The following NBPF3 variants were observed in gnomAD, a reference collection of about 807,000 sequenced individuals.
NBPF3 encodes the protein NBPF family member NBPF3.
In NBPF3, 57 loss-of-function variants were observed where a neutral mutation model predicts 78.1. That is an observed-to-expected ratio of 0.73 (90% CI 0.59 to 0.91). The LOEUF is 0.91. Ranked by LOEUF, NBPF3 falls within the 40% of genes least tolerant of loss-of-function variation. NBPF3 has a pLI of 0.00. For missense variants in NBPF3, 510 were observed against 715.3 expected (o/e 0.71, Z 3.27); for synonymous variants, 182 against 271.7 (o/e 0.67, Z 3.25).
In NBPF3 at chr1:21,463,226, G is replaced by A. The variant is rs533850621; in HGVS notation, c.134-5462G>A. Among the ~76,000 whole-genome samples, 116 of 152,274 alleles carry A rather than the reference G, an allele frequency of 7.6e-4. 1 individual carries two copies. Among genetic ancestry groups the A allele is most frequent in the African/African-American group, 2.6e-3 (109 of 41,536 alleles). ...TTGCTCCAGCCTTAGAACAGCATGGGCTGGCAAGCGTTCTCAGAGAGGTCT... is the reference window on the plus strand; with the variant it reads ...TTGCTCCAGCCTTAGAACAGCATGGACTGGCAAGCGTTCTCAGAGAGGTCT... On this transcript the variant is annotated intron_variant, in intron 2 of 14. Coordinates refer to ENST00000318249, the MANE Select transcript of NBPF3 (RefSeq NM_032264.6).
intron 2 of NBPF3, among the ~76,000 whole-genome samples, chr1:21,454,670 T>C (rs3894726): frequency 4.6e-5 from 7 of 152,206 alleles, no homozygotes; most frequent in Admixed American, 2.6e-4. Context: ...AGATGAGGAA[T>C]GGTAGACCCA....
chr1:21,480,438 T>TTCCTA (rs1378035060), intron 11 of NBPF3, among the ~76,000 whole-genome samples: 2 of 116,424 alleles, frequency 1.7e-5, no homozygotes, highest in African/African-American at 5.1e-5. Flanking sequence ...TCTCCAGCCA[T>TTCCTA]GCCTGTGGCA....
chr1:21,478,424 C>T (rs1643001361), intron 9 of NBPF3, 117 bp downstream of exon 9: 2 of 1,146,134 alleles, frequency 1.7e-6, no homozygotes, highest in Non-Finnish European at 2.6e-6. Context: ...TGGGTGGAAC[C>T]TATATATCAA....
Position 21,473,478 on chromosome 1 carries a change from A to G in NBPF3, c.833A>G (p.Gln278Arg). ...SNSHHPCESN[Q>R]PYGNTRITFE... ...AGCCACCACCCTTGTGAGTCCAACC[A>G]GCCTTACGGGAACACCAGAATCACA... The change falls in exon 7 of 15, where the codon CAG becomes CGG. Residue 278 changes from glutamine (Q) to arginine (R), a missense_variant. By Grantham distance (43) the Gln-to-Arg change is conservative. This residue lies in a region of NBPF3 where 440 missense variants were observed against 478.2 expected (regional missense o/e 0.92). Coordinates refer to ENST00000318249, the MANE Select transcript of NBPF3 (RefSeq NM_032264.6). The G allele has an allele frequency of 6.2e-7, 1 of 1,614,212 alleles. No individual in the cohort carries two copies. The highest frequency in any genetic ancestry group is 8.5e-7 in the Non-Finnish European group (1 of 1,180,050).
intron 2 of NBPF3, among the ~76,000 whole-genome samples, chr1:21,455,078 C>G (rs1202862071): frequency 6.6e-6 from 1 of 152,178 alleles, no homozygotes; most frequent in Non-Finnish European, 1.5e-5. Flanking sequence ...CTAGAGGCCT[C>G]CCATGTTCCC....
At chr1:21,441,147 C>T (rs1426882065) in intron 1 of NBPF3, among the ~76,000 whole-genome samples, 1 of 152,154 alleles carries the variant, frequency 6.6e-6, no homozygotes, top group Non-Finnish European at 1.5e-5. Flanking sequence ...CTTTGGGTTA[C>T]GGTGTTGTTC....
At chr1:21,457,386 A>ATATATGTATG (rs1202957724) in intron 2 of NBPF3, among the ~76,000 whole-genome samples, 269 of 150,478 alleles carry the variant, frequency 1.8e-3, no homozygotes, top group Middle Eastern at 7.1e-3. Context: ...ATGTATGTAT[A>ATATATGTATG]TATATGTATG....
intron 1 of NBPF3, among the ~76,000 whole-genome samples, chr1:21,444,345 A>G (rs1244189745): frequency 6.6e-6 from 1 of 152,236 alleles, no homozygotes. Context: ...AGTATAACCT[A>G]GCGAAAGCTC....
At chr1:21,475,039 C>T (rs1642820274) in intron 8 of NBPF3, 88 bp downstream of exon 8, 2 of 1,135,692 alleles carry the variant, frequency 1.8e-6, no homozygotes, top group East Asian at 2.6e-5. Context: ...ATGAATAGAA[C>T]TTTTTATTCC....
chr1:21,440,584 G>A (rs142051367), intron 1 of NBPF3, among the ~76,000 whole-genome samples: 2,778 of 152,296 alleles, frequency 0.018, 70 homozygotes, highest in Admixed American at 0.047. Context: ...TCGCTGGCGG[G>A]TGTTCTGTGG....
intron 2 of NBPF3, chr1:21,467,269 C>G: frequency 1.0e-6 from 1 of 985,372 alleles, no homozygotes; most frequent in Non-Finnish European, 1.2e-6. Flanking sequence ...CACATGAATG[C>G]TGGGCAGCCC....
rs148905415 is a variant in NBPF3 at position 21,479,824 on chromosome 1, G to C, written c.1209-227G>C. On this transcript the variant is annotated intron_variant, in intron 10 of 14. Coordinates refer to ENST00000318249, the MANE Select transcript of NBPF3 (RefSeq NM_032264.6). ...TCTCTCTCTCTCTCTCTCTCTCTGT[G>C]TGTGTGTGTGTGTGTGTGTGTGTGT... is the stretch of plus-strand genomic sequence containing the variant. 2.3e-3 allele frequency among the ~76,000 whole-genome samples: 273 copies of C among 119,562 alleles called. No individual in the cohort carries two copies. Among genetic ancestry groups the C allele is most frequent in the African/African-American group, 6.7e-3 (241 of 35,774 alleles). The allele number at this position is 119,562 out of a possible 152,430, so 78.4% of individuals were successfully genotyped here.
chr1:21,440,659 A>T (rs1421370531), intron 1 of NBPF3: 1 of 152,246 alleles, frequency 6.6e-6, no homozygotes, highest in Non-Finnish European at 1.5e-5. Flanking sequence ...TGTAGAGGAC[A>T]CTGACTCCGC....
intron 1 of NBPF3, among the ~76,000 whole-genome samples, chr1:21,441,863 T>C (rs936200096): frequency 6.6e-6 from 1 of 152,148 alleles, no homozygotes; most frequent in African/African-American, 2.4e-5. Context: ...TTGTTGAACA[T>C]TTTCCCAAAG....
At chr1:21,469,422 C>T (rs747627753) in intron 3 of NBPF3, among the ~76,000 whole-genome samples, 1 of 152,100 alleles carries the variant, frequency 6.6e-6, no homozygotes, top group Non-Finnish European at 1.5e-5. Flanking sequence ...CTGTAAGTGA[C>T]AGCATCAAGA....
At chr1:21,449,969 G>A (rs2147915641) in intron 2 of NBPF3, 1 of 226,302 alleles carries the variant, frequency 4.4e-6, no homozygotes, top group East Asian at 1.8e-4. Context: ...TCTCTGAGAG[G>A]AATTAGCATC....
At chr1:21,442,849 A>G (rs1640738972) in intron 1 of NBPF3, among the ~76,000 whole-genome samples, 1 of 152,000 alleles carries the variant, frequency 6.6e-6, no homozygotes, top group Non-Finnish European at 1.5e-5. Flanking sequence ...TTTTGTAGAG[A>G]TGGGGTTGCA....
intron 2 of NBPF3, among the ~76,000 whole-genome samples, chr1:21,447,873 G>A (rs529597121): frequency 6.6e-4 from 100 of 152,154 alleles, no homozygotes; most frequent in African/African-American, 2.4e-3. Context: ...TCTCATTGTT[G>A]TTTTAATATG....
intron 2 of NBPF3, chr1:21,449,880 C>T (rs1641205576): frequency 3.0e-6 from 2 of 668,966 alleles, no homozygotes; most frequent in East Asian, 1.4e-4. Flanking sequence ...TCTGAAACAG[C>T]CACATAAAGT....
Sources: allele counts gnomAD v4.1 joint callset (sites outside exome capture counted in the v4.1 genomes callset), GRCh38; gene constraint gnomAD v4.1.1; regional missense constraint gnomAD v4.1.1; transcripts MANE v1.5; gene names NCBI Gene and HGNC (gene_info 2026-07-23, HGNC 2026-07-21).